The following CSMD1 variants were observed in gnomAD, a reference collection of about 807,000 sequenced individuals.
CSMD1 encodes the protein CUB and sushi domain-containing protein 1.
In CSMD1, 213 loss-of-function variants were observed where a neutral mutation model predicts 417.5. That is an observed-to-expected ratio of 0.51 (90% CI 0.46 to 0.57). The LOEUF (loss-of-function observed/expected upper bound fraction) is 0.57. Ranked by LOEUF, CSMD1 falls within the 20% of genes least tolerant of loss-of-function variation. The probability of loss-of-function intolerance (pLI) is 0.00; values close to 1 mark genes in which losing one functional copy is unlikely to be tolerated. For synonymous variants in CSMD1, 2,862 were observed against 1,736.8 expected (o/e 1.65, Z -16.11); for missense variants, 6,923 against 4,529.7 (o/e 1.53, Z -15.17).
chr8:4,915,101 G>A (rs1334178788), intron 1 of CSMD1, among the ~76,000 whole-genome samples: 2 of 152,112 alleles, frequency 1.3e-5, no homozygotes, highest in African/African-American at 2.4e-5. Context: ...TGGTCAGGCC[G>A]AGTCAAGTGT....
At chr8:4,127,082 A>AT (rs112362858) in intron 3 of CSMD1, among the ~76,000 whole-genome samples, 66,928 of 151,700 alleles carry the variant, frequency 0.44, 14,865 homozygotes, top group African/African-American at 0.44. Context: ...ATCTCCTGTG[A>AT]TTTTTTTTAA....
At chr8:3,447,558 C>T (rs894382119) in intron 12 of CSMD1, among the ~76,000 whole-genome samples, 3 of 152,164 alleles carry the variant, frequency 2.0e-5, no homozygotes, top group African/African-American at 7.2e-5. Flanking sequence ...AACCACTGTT[C>T]ACAGAGGGCG....
At chr8:3,833,306 G>C (rs1387229185) in intron 5 of CSMD1, among the ~76,000 whole-genome samples, 1 of 151,934 alleles carries the variant, frequency 6.6e-6, no homozygotes, top group Non-Finnish European at 1.5e-5. Flanking sequence ...TTATGTTTCA[G>C]ATTTCTATTC....
At chr8:3,789,031 A>G (rs1000490272) in intron 5 of CSMD1, among the ~76,000 whole-genome samples, 1 of 152,184 alleles carries the variant, frequency 6.6e-6, no homozygotes, top group Non-Finnish European at 1.5e-5. Context: ...GGAGGATGCT[A>G]TGTTCTGAAT....
chr8:4,863,464 A>G (rs1802250002), intron 1 of CSMD1, among the ~76,000 whole-genome samples: 2 of 152,122 alleles, frequency 1.3e-5, no homozygotes, highest in Admixed American at 1.3e-4. Context: ...ATTCATTTTT[A>G]AATTTTATAC....
chr8:3,243,469 G>C (rs1235993731), intron 26 of CSMD1, among the ~76,000 whole-genome samples: 2 of 149,924 alleles, frequency 1.3e-5, no homozygotes, highest in African/African-American at 2.5e-5. Flanking sequence ...CAGTCAAAGG[G>C]GGTTGTTTTC....
chr8:3,522,574 T>A (rs570718533), intron 10 of CSMD1, among the ~76,000 whole-genome samples: 1 of 152,166 alleles, frequency 6.6e-6, no homozygotes, highest in South Asian at 2.1e-4. Context: ...GAGAAAGAAA[T>A]GGGAACACTA....
chr8:3,359,429 A>C (rs1585049747), intron 20 of CSMD1, 89 bp from the exon 21 acceptor site: 1 of 744,598 alleles, frequency 1.3e-6, no homozygotes, highest in Non-Finnish European at 2.0e-6. Context: ...CTATTACTAA[A>C]AAAAAAAAAA....
At chr8:3,945,080 A>C (rs1215069139) in intron 5 of CSMD1, among the ~76,000 whole-genome samples, 2 of 152,084 alleles carry the variant, frequency 1.3e-5, no homozygotes, top group South Asian at 2.1e-4. Flanking sequence ...TGTTTAAGAC[A>C]ATGTGAACAG....
chr8:4,537,309 T>A (rs1032752889), intron 2 of CSMD1, among the ~76,000 whole-genome samples: 1 of 152,218 alleles, frequency 6.6e-6, no homozygotes, highest in Non-Finnish European at 1.5e-5. Context: ...TTATAAATGC[T>A]GTTAAAGATG....
At chr8:4,293,003 A>G (rs1797456633) in intron 3 of CSMD1, among the ~76,000 whole-genome samples, 1 of 152,196 alleles carries the variant, frequency 6.6e-6, no homozygotes, top group Non-Finnish European at 1.5e-5. Context: ...TCAGGTGCAG[A>G]GGGGCAAGGG....
chr8:4,439,697 G>A (rs543273974), intron 2 of CSMD1, among the ~76,000 whole-genome samples: 10 of 152,236 alleles, frequency 6.6e-5, no homozygotes, highest in East Asian at 3.9e-4. Context: ...TAAAGGCAGG[G>A]TTTAAATTTA....
At chr8:3,983,044 C>A (rs921357892) in intron 5 of CSMD1, among the ~76,000 whole-genome samples, 7 of 152,022 alleles carry the variant, frequency 4.6e-5, no homozygotes, top group Non-Finnish European at 2.9e-5. Flanking sequence ...GGCCGGGATC[C>A]CAATCCAAGT....
intron 25 of CSMD1, among the ~76,000 whole-genome samples, chr8:3,300,978 A>AAG (rs1804353347): frequency 2.0e-5 from 3 of 149,364 alleles, no homozygotes; most frequent in Admixed American, 1.3e-4. Flanking sequence ...AAAAAAAAAA[A>AAG]AAAGAGAAAG....
chr8:4,600,792 G>A (rs756602447), intron 2 of CSMD1, among the ~76,000 whole-genome samples: 7 of 152,116 alleles, frequency 4.6e-5, no homozygotes, highest in Non-Finnish European at 7.4e-5. Context: ...AACTTCAGAC[G>A]TAAGAAATCA....
intron 26 of CSMD1, among the ~76,000 whole-genome samples, chr8:3,281,314 C>A (rs367957426): frequency 1.3e-5 from 2 of 152,032 alleles, no homozygotes; most frequent in Middle Eastern, 3.4e-3. Flanking sequence ...TGTGTTGGTG[C>A]GTGCTTGTAA....
chr8:3,971,390 T>C (rs1452027811), intron 5 of CSMD1, among the ~76,000 whole-genome samples: 1 of 152,198 alleles, frequency 6.6e-6, no homozygotes, highest in Admixed American at 6.5e-5. Context: ...CTGTCCCTAT[T>C]AAGTTTTTAT....
intron 8 of CSMD1, among the ~76,000 whole-genome samples, chr8:3,600,237 C>A (rs1388007296): frequency 1.3e-5 from 2 of 152,172 alleles, no homozygotes; most frequent in Admixed American, 6.5e-5. Context: ...TCCTTCTCCT[C>A]CCCATTAGTA....
chr8:3,268,319 C>G (rs185983040), intron 26 of CSMD1, among the ~76,000 whole-genome samples: 14 of 56,608 alleles, frequency 2.5e-4, no homozygotes, highest in African/African-American at 1.0e-3. Context: ...TTTTTTGAGA[C>G]GGAGTTTTGC....
Sources: allele counts gnomAD v4.1 joint callset (sites outside exome capture counted in the v4.1 genomes callset), GRCh38; gene constraint gnomAD v4.1.1; transcripts MANE v1.5; gene names NCBI Gene and HGNC (gene_info 2026-07-23, HGNC 2026-07-21).